Variants in CDH18 observed in about 807,000 individuals in gnomAD.
CDH18 encodes cadherin 18, also known as cadherin-18.
Under a neutral mutation model 67.9 loss-of-function variants are expected in CDH18, and 31 were observed. The observed-to-expected ratio is 0.46, with a 90% CI of 0.34 to 0.62. The LOEUF (loss-of-function observed/expected upper bound fraction) is 0.62. Among genes scored for constraint, CDH18 ranks in the 20% least tolerant of loss-of-function variants. The pLI, the probability that CDH18 is intolerant of heterozygous loss-of-function variation, is 0.01. For missense variants in CDH18, 890 were observed against 975.5 expected, an observed-to-expected ratio of 0.91 and a Z score of 1.17; for synonymous variants, 362 against 347.2, an observed-to-expected ratio of 1.04 and a Z score of -0.48.
intron 1 of CDH18, among the ~76,000 whole-genome samples, chr5:20,454,036 A>G (rs1480399144): frequency 1.3e-5 from 2 of 152,168 alleles, no homozygotes; most frequent in Non-Finnish European, 2.9e-5. Context: ...TAGAATAAAT[A>G]AGAAATATGA....
chr5:19,624,021 T>TATTATG (rs1751120573), intron 5 of CDH18, among the ~76,000 whole-genome samples: 2 of 148,390 alleles, frequency 1.3e-5, no homozygotes, highest in Non-Finnish European at 3.0e-5. Context: ...TTATTATTAT[T>TATTATG]ATTGAGATGG....
intron 1 of CDH18, among the ~76,000 whole-genome samples, chr5:20,570,295 C>T (rs1758740965): frequency 6.6e-6 from 1 of 151,988 alleles, no homozygotes; most frequent in South Asian, 2.1e-4. Context: ...TAGGAACCCT[C>T]CTCTTTTCCA....
intron 2 of CDH18, among the ~76,000 whole-genome samples, chr5:19,973,582 A>T (rs1310269417): frequency 6.6e-6 from 1 of 152,152 alleles, no homozygotes; most frequent in East Asian, 1.9e-4. Flanking sequence ...AGTATTGAAG[A>T]ACATGGAAAA....
At chr5:20,031,705 T>C (rs1347842812) in intron 2 of CDH18, among the ~76,000 whole-genome samples, 1 of 152,054 alleles carries the variant, frequency 6.6e-6, no homozygotes, top group Non-Finnish European at 1.5e-5. Flanking sequence ...TCAACCTTTA[T>C]TTGAGATTTT....
intron 2 of CDH18, among the ~76,000 whole-genome samples, chr5:20,053,332 A>C (rs945566192): frequency 6.6e-6 from 1 of 151,272 alleles, no homozygotes; most frequent in Non-Finnish European, 1.5e-5. Flanking sequence ...CACACACACA[A>C]AGGTCACTCT....
intron 7 of CDH18, among the ~76,000 whole-genome samples, chr5:19,585,077 T>A: frequency 6.6e-6 from 1 of 152,056 alleles, no homozygotes; most frequent in East Asian, 1.9e-4. Flanking sequence ...CATCATCACT[T>A]ACCATTTACA....
chr5:20,511,516 A>G (rs1032773903), intron 1 of CDH18, among the ~76,000 whole-genome samples: 3 of 152,220 alleles, frequency 2.0e-5, no homozygotes, highest in Non-Finnish European at 4.4e-5. Context: ...ATAGGCAAAT[A>G]TATCTTCAGT....
intron 2 of CDH18, among the ~76,000 whole-genome samples, chr5:19,876,202 A>C (rs1786983816): frequency 6.6e-6 from 1 of 152,132 alleles, no homozygotes. Context: ...CCCATTTGTG[A>C]AGAAATCTTA....
intron 2 of CDH18, among the ~76,000 whole-genome samples, chr5:20,083,482 C>G (rs947898108): frequency 3.3e-5 from 5 of 152,082 alleles, no homozygotes; most frequent in African/African-American, 1.2e-4. Flanking sequence ...GTAGCATGTG[C>G]TCATATAATA....
chr5:19,860,674 T>C (rs1581684514), intron 2 of CDH18, among the ~76,000 whole-genome samples: 2 of 152,084 alleles, frequency 1.3e-5, no homozygotes. Context: ...AGTATTAGTG[T>C]TACATTAGCT....
intron 5 of CDH18, among the ~76,000 whole-genome samples, chr5:19,698,250 T>C (rs960120603): frequency 2.0e-5 from 3 of 152,198 alleles, no homozygotes; most frequent in Admixed American, 6.5e-5. Flanking sequence ...TTTTTTTAAA[T>C]AAATGATTTC....
At chr5:19,819,294 G>C (rs1278220728) in intron 3 of CDH18, among the ~76,000 whole-genome samples, 1 of 152,016 alleles carries the variant, frequency 6.6e-6, no homozygotes. Context: ...AAATACTTGG[G>C]CTTGAACTCT....
chr5:20,101,114 C>CT (rs1337856429), intron 2 of CDH18, among the ~76,000 whole-genome samples: 69 of 148,642 alleles, frequency 4.6e-4, no homozygotes, highest in African/African-American at 1.6e-3. Flanking sequence ...CCACATCGGG[C>CT]TTTTTTTTTT....
At chr5:20,015,301 T>C (rs2150421920) in intron 2 of CDH18, among the ~76,000 whole-genome samples, 1 of 152,194 alleles carries the variant, frequency 6.6e-6, no homozygotes, top group Admixed American at 6.5e-5. Flanking sequence ...TAAATAAGAA[T>C]CAGAGCTTTT....
chr5:20,450,339 C>G (rs1750344320), intron 1 of CDH18, among the ~76,000 whole-genome samples: 1 of 152,106 alleles, frequency 6.6e-6, no homozygotes, highest in African/African-American at 2.4e-5. Context: ...AAAAGAGAAA[C>G]TCTGTCTCAA....
intron 2 of CDH18, among the ~76,000 whole-genome samples, chr5:20,002,503 A>C (rs950896947): frequency 1.3e-5 from 2 of 152,216 alleles, no homozygotes; most frequent in African/African-American, 4.8e-5. Context: ...GCAATAACTT[A>C]TGTAATTTAC....
At chr5:20,107,498 CTTTATCCACTAT>C (rs928519967) in intron 2 of CDH18, among the ~76,000 whole-genome samples, 1 of 152,132 alleles carries the variant, frequency 6.6e-6, no homozygotes, top group Non-Finnish European at 1.5e-5. Context: ...TATCTATATT[CTTTATCCACTAT>C]TTTAATTTGC....
rs1321826591 is a variant in CDH18, at chr5:20,279,614, G to A, written c.-579-24109C>T. 5.6e-5 allele frequency among the ~76,000 whole-genome samples: 8 copies of A among 142,006 alleles called. No individual in the cohort carries two copies. The South Asian group carries it at 8.9e-4, about 16-fold the overall frequency. The allele number at this position is 142,006 out of a possible 152,430, so 93.2% of individuals were successfully genotyped here. A position where few individuals can be genotyped will look rare whatever the true frequency, so the allele number is the denominator to read the frequency against. ...CTTGGGAGGCTGAGGCAGGAGAACC[G>A]CTTGAACCTGGGAGGTGGAGGTTGC... On this transcript the variant is annotated intron_variant, in intron 1 of 14. Transcript: ENST00000507958.
chr5:19,834,946 T>C (rs1781459519), intron 3 of CDH18, among the ~76,000 whole-genome samples: 1 of 152,110 alleles, frequency 6.6e-6, no homozygotes, highest in African/African-American at 2.4e-5. Context: ...GTTCAACCAT[T>C]GTGGAAAACA....
Sources: allele counts gnomAD v4.1 joint callset (sites outside exome capture counted in the v4.1 genomes callset), GRCh38; gene constraint gnomAD v4.1.1; transcripts MANE v1.5; gene names NCBI Gene and HGNC (gene_info 2026-07-23, HGNC 2026-07-21).